PAX6: variants seen among roughly 807,000 people sequenced by gnomAD.
The protein encoded by PAX6 is paired box protein Pax-6.
A neutral mutation model predicts 60.7 loss-of-function variants in PAX6; 7 were observed. That is an observed-to-expected ratio of 0.12 (90% CI 0.07 to 0.22). The LOEUF (loss-of-function observed/expected upper bound fraction) is 0.22. Ranked by LOEUF, PAX6 falls within the 10% of genes least tolerant of loss-of-function variation. The pLI is 1.00. For missense variants in PAX6, 355 were observed against 555.2 expected, an observed-to-expected ratio of 0.64 and a Z score of 3.62; for synonymous variants, 208 against 201.2, an observed-to-expected ratio of 1.03 and a Z score of -0.29.
chr11:31,789,790 G>A lies in PAX6; in HGVS notation c.*144C>T. ...TTTCAAGTCCATTCCTTCCCCAGTGGTACAATACAGGACACAATTGTAGAA... is the reference window on the plus strand; with the variant it reads ...TTTCAAGTCCATTCCTTCCCCAGTGATACAATACAGGACACAATTGTAGAA... On this transcript the variant is annotated 3_prime_UTR_variant, in exon 14 of 14. Coordinates refer to ENST00000640368, the MANE Select transcript of PAX6 (RefSeq NM_001368894.2). 2 of 766,372 alleles carry A rather than the reference G, an allele frequency of 2.6e-6. No homozygotes were observed. Among genetic ancestry groups the A allele is most frequent in the South Asian group, 2.9e-5 (2 of 68,580 alleles). 47.5% of individuals were successfully genotyped at this position (766,372 alleles called of 1,614,324 possible). A position where few individuals can be genotyped will look rare whatever the true frequency, so the allele number is the denominator to read the frequency against.
intron 8 of PAX6, among the ~76,000 whole-genome samples, chr11:31,798,893 C>T (rs1592501551): frequency 6.6e-6 from 1 of 152,324 alleles, no homozygotes; most frequent in East Asian, 1.9e-4. Context: ...CTCCAAGAAG[C>T]GGAAGGGGGG....
chr11:31,795,824 TGGGCCTCCAGGGCCACTACA>T (rs1951311088), intron 8 of PAX6, among the ~76,000 whole-genome samples: 1 of 152,250 alleles, frequency 6.6e-6, no homozygotes, highest in Non-Finnish European at 1.5e-5. Context: ...AAACTCTGAC[TGGGCCTCCAGGGCCACTACA>T]GGCTGGGTCC....
intron 3 of PAX6, 107 bp downstream of exon 3, chr11:31,806,742 T>A (rs1271066504): frequency 2.2e-5 from 8 of 364,520 alleles, no homozygotes; most frequent in Non-Finnish European, 3.9e-5. Flanking sequence ...GATGCCCCAA[T>A]TTTGATTTAT....
intron 8 of PAX6, among the ~76,000 whole-genome samples, chr11:31,795,393 C>T (rs1248651672): frequency 2.0e-5 from 3 of 152,176 alleles, no homozygotes; most frequent in Non-Finnish European, 4.4e-5. Flanking sequence ...GAGTGCGCTT[C>T]GCCTTGACAC....
At chr11:31,797,093 AG>A (rs1389434366) in intron 8 of PAX6, among the ~76,000 whole-genome samples, 1 of 152,112 alleles carries the variant, frequency 6.6e-6, no homozygotes, top group East Asian at 1.9e-4. Flanking sequence ...GAAAGGCCGG[AG>A]GGTTATTGCT....
At chr11:31,804,767 C>T (rs552126312) in intron 4 of PAX6, 2 of 152,388 alleles carry the variant, frequency 1.3e-5, no homozygotes, top group African/African-American at 4.8e-5. Flanking sequence ...CGGCAATTCC[C>T]AGTCTGCTAA....
Position 31,794,740 on chromosome 11 carries a change from C to T in PAX6, c.614G>A (p.Ser205Asn). 6.2e-7 allele frequency: 1 copy of T among 1,614,174 alleles called. No individual in the cohort carries two copies. Among genetic ancestry groups the T allele is most frequent in the Non-Finnish European group, 8.5e-7 (1 of 1,180,020 alleles). Reference protein sequence around the residue: ...EGGGENTNSISSNGEDSDEAQ... With the variant: ...EGGGENTNSINSNGEDSDEAQ... ...CTCATCTGAATCTTCTCCGTTGGAA[C>T]TGATGGAGTTGGTATTCTCTCCCCC... Residue 205 changes from serine to asparagine, a missense_variant, in exon 9 of 14, where the codon AGT becomes AAT. Coordinates refer to ENST00000640368, the MANE Select transcript of PAX6 (RefSeq NM_001368894.2).
chr11:31,813,212 A>G (rs1235970503), upstream of PAX6: 1 of 152,034 alleles, frequency 6.6e-6, no homozygotes, highest in East Asian at 1.9e-4. Context: ...GCGAGGTTTC[A>G]TTTCGCAGGA....
At chr11:31,796,913 C>CCGCTCA (rs1951746179) in intron 8 of PAX6, among the ~76,000 whole-genome samples, 2 of 152,214 alleles carry the variant, frequency 1.3e-5, no homozygotes, top group Non-Finnish European at 2.9e-5. Context: ...GAGACGCGCT[C>CCGCTCA]CGCTCACGTG....
chr11:31,812,261 G>T (rs1957119403), upstream of PAX6: 3 of 152,772 alleles, frequency 2.0e-5, no homozygotes, highest in African/African-American at 2.4e-5. Flanking sequence ...CCTGGGTGGG[G>T]GGGCGGATGA....
At position 31,806,385 on chromosome 11, in the gene PAX6, A is replaced by G. The variant is rs766982377; in HGVS notation, c.10+17T>C. ...GCACCCCGAGCCCGAAGTCCCAGAAAGACCAGAGGCACTTACTGTTCTGCA... is the reference window on the plus strand; with the variant it reads ...GCACCCCGAGCCCGAAGTCCCAGAAGGACCAGAGGCACTTACTGTTCTGCA... On this transcript the variant is annotated intron_variant, in intron 4 of 13. Transcript: ENST00000640368. 1.1e-5 allele frequency: 18 copies of G among 1,607,622 alleles called. No homozygotes were observed. In the African/African-American group the frequency reaches 2.0e-4, roughly 18 times the overall value.
chr11:31,793,363 G>A (rs1163120285), intron 12 of PAX6, 75 bp downstream of exon 12: 1 of 1,232,728 alleles, frequency 8.1e-7, no homozygotes, highest in African/African-American at 1.5e-5. Context: ...CACAGCCAAT[G>A]AGGTCCGCAG....
chr11:31,803,672 T>C (rs912471272), intron 4 of PAX6: 1 of 152,186 alleles, frequency 6.6e-6, no homozygotes. Context: ...GAGCCGGGAG[T>C]CGGTTCGCAC....
Position 31,806,906 on chromosome 11 carries a change from C to A in PAX6, c.-109G>T. 1 of 156,764 alleles carries A rather than the reference C, an allele frequency of 6.4e-6. No homozygotes were observed. Among genetic ancestry groups the A allele is most frequent in the East Asian group, 1.9e-4 (1 of 5,404 alleles). The allele number at this position is 156,764 out of a possible 1,614,324, so 9.7% of individuals were successfully genotyped here. Reference sequence around the variant, plus strand: ...TAAAAGGCCTCACACATCTGCGCGCCCCTAGTTAAAGTCTTCCCCCTAAGA... The same window carrying A: ...TAAAAGGCCTCACACATCTGCGCGCACCTAGTTAAAGTCTTCCCCCTAAGA... On this transcript the variant is annotated 5_prime_UTR_variant, in exon 3 of 14. Coordinates refer to ENST00000640368, the MANE Select transcript of PAX6 (RefSeq NM_001368894.2).
At chr11:31,796,596 G>T (rs1470654908) in intron 8 of PAX6, among the ~76,000 whole-genome samples, 1 of 123,030 alleles carries the variant, frequency 8.1e-6, no homozygotes, top group Non-Finnish European at 1.7e-5. Flanking sequence ...ACCAGCGGTG[G>T]GGGTGGAAGC....
In PAX6 at chr11:31,793,057, A is replaced by C. The variant is rs1353261620; in HGVS notation, c.1074+381T>G. On this transcript the variant is annotated intron_variant, in intron 12 of 13. Transcript: ENST00000640368. ...CTATATTTAGCATACAAACACATTA[A>C]TATAAACCCAAATTTTAAACTACTA... The C allele has an allele frequency of 2.4e-5, 14 of 589,646 alleles. No individual in the cohort carries two copies. The Admixed American group carries it at 3.9e-4, about 16-fold the overall frequency. 36.5% of individuals were successfully genotyped at this position (589,646 alleles called of 1,614,324 possible). A position where few individuals can be genotyped will look rare whatever the true frequency, so the allele number is the denominator to read the frequency against.
chr11:31,801,189 T>C, intron 7 of PAX6: 2 of 1,203,440 alleles, frequency 1.7e-6, no homozygotes, highest in South Asian at 3.2e-5. Context: ...CTTTCTTTCA[T>C]TATATTGTTT....
chr11:31,816,103 G>T (rs887586066), upstream of PAX6, among the ~76,000 whole-genome samples: 1 of 152,222 alleles, frequency 6.6e-6, no homozygotes, highest in Non-Finnish European at 1.5e-5. Context: ...GCCGGGTGGC[G>T]TCCAGCCCCT....
At chr11:31,801,197 T>C in intron 7 of PAX6, 3 of 1,220,576 alleles carry the variant, frequency 2.5e-6, no homozygotes, top group Non-Finnish European at 2.1e-6. Flanking sequence ...CATTATATTG[T>C]TTAATATTAG....
Sources: gnomAD v4.1 joint callset for allele counts (sites outside exome capture counted in the v4.1 genomes callset) on GRCh38, gnomAD v4.1.1 for gene constraint, MANE v1.5 for transcripts, NCBI Gene and HGNC (gene_info 2026-07-23, HGNC 2026-07-21) for gene names.